BBC3: variants seen among roughly 807,000 people sequenced by gnomAD.
BBC3 encodes the protein BCL2 binding component 3.
BBC3 carries 5 observed loss-of-function variants against 18.2 expected under a neutral mutation model. The observed-to-expected ratio is 0.27, with a 90% CI of 0.14 to 0.58. The LOEUF is 0.58. Among genes scored for constraint, BBC3 ranks in the 20% least tolerant of loss-of-function variants. BBC3 has a pLI of 0.91. For missense variants in BBC3, 224 were observed against 268.9 expected, an observed-to-expected ratio of 0.83 and a Z score of 1.17; for synonymous variants, 119 against 128.0, an observed-to-expected ratio of 0.93 and a Z score of 0.47.
At chr19:47,225,599 C>T (rs973802294) in intron 3 of BBC3, among the ~76,000 whole-genome samples, 3 of 152,092 alleles carry the variant, frequency 2.0e-5, no homozygotes, top group Non-Finnish European at 4.4e-5. Context: ...CTCAAGCGTC[C>T]TTCTATCTCC....
intron 2 of BBC3, chr19:47,227,088 C>A: frequency 4.6e-6 from 1 of 215,646 alleles, no homozygotes; most frequent in Non-Finnish European, 9.4e-6. Flanking sequence ...ATGTGACAGG[C>A]AGGGAAACTG....
intron 3 of BBC3, among the ~76,000 whole-genome samples, chr19:47,226,339 G>A (rs2058820287): frequency 6.6e-6 from 1 of 151,888 alleles, no homozygotes; most frequent in Non-Finnish European, 1.5e-5. Flanking sequence ...CCTGGCCCTG[G>A]CCCTGGCCCT....
rs1340620715 is a variant in BBC3 at position 47,228,640 on chromosome 19, C to G, written c.-15-194G>C. Among the ~76,000 whole-genome samples the G allele has an allele frequency of 1.3e-5, 2 of 151,946 alleles. No homozygotes were observed. The highest frequency in any genetic ancestry group is 1.5e-5 in the Non-Finnish European group (1 of 67,958). On this transcript the variant is annotated intron_variant, in intron 1 of 3. Transcript: ENST00000439096. The surrounding 1 kb of genome is among the most constrained non-coding windows in gnomAD (Gnocchi z 5.5). ...GTCCTGGCTGGCCTGGAGAGCCTCC[C>G]GTGCATACGGTGATGGGCACACAGG...
chr19:47,232,484 C>T (rs959926801), upstream of BBC3: 10 of 1,534,566 alleles, frequency 6.5e-6, no homozygotes, highest in Middle Eastern at 1.7e-4. Flanking sequence ...ACTGCACACA[C>T]GTCGGAGCAT....
chr19:47,224,283 G>A (rs550352048), intron 3 of BBC3, among the ~76,000 whole-genome samples: 6 of 152,040 alleles, frequency 3.9e-5, no homozygotes, highest in Admixed American at 6.6e-5. Context: ...CAACAAGAGC[G>A]AAACTCTGTC....
Position 47,231,142 on chromosome 19 carries a change from C to T in BBC3, c.-229G>A, listed in dbSNP as rs1457923196. 30 of 984,850 alleles carry T rather than the reference C, an allele frequency of 3.0e-5. No individual in the cohort carries two copies. The highest frequency in any genetic ancestry group is 3.5e-5 in the Non-Finnish European group (29 of 829,762). 61.0% of individuals were successfully genotyped at this position (984,850 alleles called of 1,614,324 possible). On this transcript the variant is annotated 5_prime_UTR_variant, in exon 1 of 4. Transcript: ENST00000439096. The surrounding 1 kb of genome is among the most constrained non-coding windows in gnomAD (Gnocchi z 4.0). ...CGCGTCGTGGCCGCTGCTGGGATCG[C>T]TGGTGCCGCCGCCGCCGCCGCCAGG...
Position 47,231,144 on chromosome 19 carries a change from G to A in BBC3, c.-231C>T, listed in dbSNP as rs1297556389. ...CGTCGTGGCCGCTGCTGGGATCGCT[G>A]GTGCCGCCGCCGCCGCCGCCAGGCG... On this transcript the variant is annotated 5_prime_UTR_variant, in exon 1 of 4. An upstream open reading frame in the 5' UTR gains an earlier in-frame stop. Transcript: ENST00000439096. The surrounding 1 kb of genome is among the most constrained non-coding windows in gnomAD (Gnocchi z 4.0). 2 of 984,780 alleles carry A rather than the reference G, an allele frequency of 2.0e-6. No individual in the cohort carries two copies. The highest frequency in any genetic ancestry group is 2.3e-4 in the East Asian group (2 of 8,648). The allele number at this position is 984,780 out of a possible 1,614,324, so 61.0% of individuals were successfully genotyped here.
Position 47,228,183 on chromosome 19 carries a change from G to A in BBC3, c.249C>T (p.Ser83=). ...CGTCCGGGCGCGGGCCTCGGGGCCG[G>A]CTGCGGGGACCCCCAGGCCAGCGGG... is the stretch of plus-strand genomic sequence containing the variant. ...GGSRWPGGPR[S]RPRGPRPDGP... Residue 83 remains serine (S), a synonymous_variant, in exon 2 of 4, where the codon AGC becomes AGT. Transcript: ENST00000439096. The surrounding 1 kb of genome is among the most constrained non-coding windows in gnomAD (Gnocchi z 5.5). 2 of 1,224,222 alleles carry A rather than the reference G, an allele frequency of 1.6e-6. No individual in the cohort carries two copies. The highest frequency in any genetic ancestry group is 3.2e-4 in the Middle Eastern group (1 of 3,158). The allele number at this position is 1,224,222 out of a possible 1,614,324, so 75.8% of individuals were successfully genotyped here.
chr19:47,223,202 T>G (rs1468070736), intron 3 of BBC3, among the ~76,000 whole-genome samples: 3 of 148,914 alleles, frequency 2.0e-5, no homozygotes, highest in Non-Finnish European at 4.5e-5. Context: ...ACCCGGTAGG[T>G]GGAGCTTGCA....
In BBC3 at chr19:47,226,731, C is replaced by G; in HGVS notation, c.298G>C (p.Ala100Pro). 7.1e-7 allele frequency: 1 copy of G among 1,412,874 alleles called. No homozygotes were observed. The highest frequency in any genetic ancestry group is 9.2e-7 in the Non-Finnish European group (1 of 1,088,292). The allele number at this position is 1,412,874 out of a possible 1,614,324, so 87.5% of individuals were successfully genotyped here. ...PDGPQPSLSL[A>P]EQHLESPVPS... is the part of the protein sequence containing the mutation. ...ACGGGCGACTCCAGGTGCTGCTCCG[C>G]CAGCGAGAGCGAGGGCTGAGGACCT... The change falls in exon 3 of 4, where the codon GCG (alanine) becomes CCG (proline). Residue 100 changes from alanine (A) to proline (P), a missense_variant. By Grantham distance (27) the Ala-to-Pro change is conservative (BLOSUM62 -1). Transcript: ENST00000439096.
At chr19:47,225,878 G>GA (rs2058810246) in intron 3 of BBC3, among the ~76,000 whole-genome samples, 1 of 152,200 alleles carries the variant, frequency 6.6e-6, no homozygotes, top group Non-Finnish European at 1.5e-5. Flanking sequence ...TGGATGCAAG[G>GA]AGGGGGAAGG....
chr19:47,227,044 CTA>C lies in BBC3; in HGVS notation c.275-292_275-291del, dbSNP rs369523494. ...CGGGGGTGGTCAGGCTTAACGACCTCTATTTTCCAAAGGGGCCACATTTTGCC... is the reference window on the plus strand; with the variant it reads ...CGGGGGTGGTCAGGCTTAACGACCTCTTTTCCAAAGGGGCCACATTTTGCC... On this transcript the variant is annotated intron_variant, in intron 2 of 3. Coordinates refer to ENST00000439096, the MANE Select transcript of BBC3 (RefSeq NM_014417.5). 2.9e-4 allele frequency: 92 copies of C among 319,408 alleles called. 1 individual carries two copies. The South Asian group carries it at 8.0e-3, about 28-fold the overall frequency. 19.8% of individuals were successfully genotyped at this position (319,408 alleles called of 1,614,324 possible).
chr19:47,225,617 A>C (rs1278222010), intron 3 of BBC3, among the ~76,000 whole-genome samples: 3 of 152,128 alleles, frequency 2.0e-5, no homozygotes, highest in African/African-American at 7.2e-5. Context: ...TCCGCCTCCC[A>C]AAGTGCTGGG....
intron 1 of BBC3, among the ~76,000 whole-genome samples, chr19:47,229,524 G>A (rs1313360365): frequency 6.7e-6 from 1 of 150,370 alleles, no homozygotes; most frequent in Non-Finnish European, 1.5e-5. Context: ...CAGCCCAGCA[G>A]CACACACACC....
rs1170427170 is a variant in BBC3, at chr19:47,231,122, C to T, written c.-209G>A. On this transcript the variant is annotated 5_prime_UTR_variant, in exon 1 of 4. Coordinates refer to ENST00000439096, the MANE Select transcript of BBC3 (RefSeq NM_014417.5). The surrounding 1 kb of genome is among the most constrained non-coding windows in gnomAD (Gnocchi z 4.0). ...CCCCGGGCCGCAGGCGCGTCCGCGT[C>T]GTGGCCGCTGCTGGGATCGCTGGTG... The T allele has an allele frequency of 2.0e-6, 2 of 982,582 alleles. No homozygotes were observed. Among genetic ancestry groups the T allele is most frequent in the East Asian group, 1.1e-4 (1 of 8,828 alleles). The allele number at this position is 982,582 out of a possible 1,614,324, so 60.9% of individuals were successfully genotyped here. A position where few individuals can be genotyped will look rare whatever the true frequency, so the allele number is the denominator to read the frequency against.
At position 47,230,461 on chromosome 19, in the gene BBC3, C is replaced by T. The variant is rs1212420081; in HGVS notation, c.-16+468G>A. ...CGCCAGGCGAGCGCGGGGCCAATAA[C>T]CGGCTGTTGCTGGGGCGCAGCCCCC... On this transcript the variant is annotated intron_variant, in intron 1 of 3. Coordinates refer to ENST00000439096, the MANE Select transcript of BBC3 (RefSeq NM_014417.5). This position sits in a 1 kb window ranked among gnomAD's most constrained non-coding sequence, Gnocchi z 6.7. Among the ~76,000 whole-genome samples, 2 of 151,092 alleles carry T rather than the reference C, an allele frequency of 1.3e-5. No homozygotes were observed. Among genetic ancestry groups the T allele is most frequent in the Non-Finnish European group, 3.0e-5 (2 of 67,620 alleles).
At chr19:47,227,614 A>G (rs886960163) in intron 2 of BBC3, among the ~76,000 whole-genome samples, 8 of 152,128 alleles carry the variant, frequency 5.3e-5, no homozygotes, top group African/African-American at 1.9e-4. Context: ...TTAACAGCCC[A>G]TCAGGCAGGG....
At position 47,221,768 on chromosome 19, in the gene BBC3, G is replaced by A. The variant is rs199804290; in HGVS notation, c.*34C>T. 47 of 1,607,052 alleles carry A rather than the reference G, an allele frequency of 2.9e-5. No individual in the cohort carries two copies. Among genetic ancestry groups the A allele is most frequent in the Non-Finnish European group, 3.8e-5 (45 of 1,178,018 alleles). On this transcript the variant is annotated 3_prime_UTR_variant, in exon 4 of 4. Transcript: ENST00000439096. Reference sequence around the variant, plus strand: ...AGGAGGTGGGAGGGGCCTGCCCCCCGAGTCCCTGACGTCCACCGGGCGGGT... The same window carrying A: ...AGGAGGTGGGAGGGGCCTGCCCCCCAAGTCCCTGACGTCCACCGGGCGGGT...
intron 1 of BBC3, among the ~76,000 whole-genome samples, chr19:47,229,528 A>G (rs2058883660): frequency 6.6e-6 from 1 of 151,682 alleles, no homozygotes; most frequent in Non-Finnish European, 1.5e-5. Context: ...CCAGCAGCAC[A>G]CACACCTAGC....
Sources: allele counts gnomAD v4.1 joint callset (sites outside exome capture counted in the v4.1 genomes callset), GRCh38; gene constraint gnomAD v4.1.1; non-coding constraint Gnocchi (gnomAD v3.1); transcripts MANE v1.5; gene names NCBI Gene and HGNC (gene_info 2026-07-23, HGNC 2026-07-21).